SEMA5A: variants seen among roughly 807,000 people sequenced by gnomAD.
The protein encoded by SEMA5A is semaphorin 5A.
A neutral mutation model predicts 135.5 loss-of-function variants in SEMA5A; 55 were observed. That is an observed-to-expected ratio of 0.41 (90% CI 0.33 to 0.51). The LOEUF is 0.51. Among genes scored for constraint, SEMA5A ranks in the 20% least tolerant of loss-of-function variants. SEMA5A has a pLI of 0.37. For synonymous variants in SEMA5A, 580 were observed against 546.5 expected (o/e 1.06, Z -0.85); for missense variants, 1,290 against 1,419.9 (o/e 0.91, Z 1.47).
intron 3 of SEMA5A, among the ~76,000 whole-genome samples, chr5:9,362,730 C>T (rs1474768148): frequency 2.6e-5 from 4 of 152,214 alleles, no homozygotes; most frequent in Admixed American, 1.3e-4. Context: ...AGCCCACACA[C>T]TTCCCAAACT....
chr5:9,298,313 G>A (rs888691255), intron 5 of SEMA5A, among the ~76,000 whole-genome samples: 7 of 152,170 alleles, frequency 4.6e-5, no homozygotes, highest in African/African-American at 1.7e-4. Context: ...AGAATGCCAA[G>A]GATTGCTGGC....
chr5:9,201,894 A>G, intron 9 of SEMA5A, 61 bp downstream of exon 9: 3 of 1,489,244 alleles, frequency 2.0e-6, no homozygotes, highest in Non-Finnish European at 2.8e-6. Flanking sequence ...AGGTCAAAGA[A>G]CAGAAGACTT....
intron 15 of SEMA5A, among the ~76,000 whole-genome samples, chr5:9,111,638 C>T (rs559553149): frequency 3.9e-5 from 6 of 152,240 alleles, no homozygotes; most frequent in Admixed American, 3.3e-4. Context: ...GATCTGCTGG[C>T]GTGTCACCCT....
At chr5:9,352,094 C>CTGG (rs1554023404) in intron 3 of SEMA5A, among the ~76,000 whole-genome samples, 2 of 132,252 alleles carry the variant, frequency 1.5e-5, no homozygotes, top group African/African-American at 5.3e-5. Flanking sequence ...TGTAACAGGT[C>CTGG]GGGGGGGTTA....
chr5:9,508,416 G>A (rs200016162), intron 1 of SEMA5A, among the ~76,000 whole-genome samples: 43 of 152,256 alleles, frequency 2.8e-4, no homozygotes, highest in Non-Finnish European at 3.7e-4. Context: ...GTCTCCTTGC[G>A]TCTGATCGCT....
chr5:9,536,407 G>T (rs1404825057), intron 1 of SEMA5A, among the ~76,000 whole-genome samples: 1 of 152,016 alleles, frequency 6.6e-6, no homozygotes, highest in African/African-American at 2.4e-5. Flanking sequence ...CAGCTCAGGA[G>T]TTCGAGACCA....
chr5:9,242,870 T>A (rs1020587671), intron 5 of SEMA5A, among the ~76,000 whole-genome samples: 7 of 152,216 alleles, frequency 4.6e-5, no homozygotes, highest in African/African-American at 1.7e-4. Flanking sequence ...TTGATTCTCA[T>A]ACACTGCCAT....
intron 17 of SEMA5A, among the ~76,000 whole-genome samples, chr5:9,066,019 C>T (rs77634572): frequency 6.6e-6 from 1 of 152,208 alleles, no homozygotes; most frequent in African/African-American, 2.4e-5. Flanking sequence ...AAGAGAAATG[C>T]ACTTCCATTG....
intron 16 of SEMA5A, among the ~76,000 whole-genome samples, chr5:9,076,563 C>A (rs567625334): frequency 3.3e-5 from 5 of 152,114 alleles, no homozygotes; most frequent in Non-Finnish European, 7.4e-5. Context: ...AATACCCTGA[C>A]TTGATCACAC....
rs70943966 is a variant in SEMA5A, at chr5:9,457,900, C to CTTTT, written c.-174-20052_-174-20049dup. On this transcript the variant is annotated intron_variant, in intron 1 of 22. Transcript: ENST00000382496. ...AATTCTTGAAAAACCAGCATCTCTC[C>CTTTT]TTTTTTTTTTTTTTTTTTTTTTTTT... Among the ~76,000 whole-genome samples the CTTTT allele has an allele frequency of 7.3e-4, 51 of 70,184 alleles. 1 individual carries two copies. Among genetic ancestry groups the CTTTT allele is most frequent in the Non-Finnish European group, 1.0e-3 (40 of 39,516 alleles). 46.0% of individuals were successfully genotyped at this position (70,184 alleles called of 152,430 possible). A position where few individuals can be genotyped will look rare whatever the true frequency, so the allele number is the denominator to read the frequency against.
chr5:9,429,999 CCT>C (rs1370617035), intron 2 of SEMA5A, among the ~76,000 whole-genome samples: 2 of 152,150 alleles, frequency 1.3e-5, no homozygotes, highest in Non-Finnish European at 2.9e-5. Context: ...GGCCGGAAGA[CCT>C]GAGAACTCAC....
intron 1 of SEMA5A, among the ~76,000 whole-genome samples, chr5:9,454,477 A>G (rs923837589): frequency 4.6e-5 from 7 of 152,240 alleles, no homozygotes; most frequent in East Asian, 1.9e-4. Context: ...TGTTGAATTG[A>G]AAAAGGTTTT....
In SEMA5A at chr5:9,499,993, A is replaced by T. The variant is rs1348028630; in HGVS notation, c.-175+45591T>A. Among the ~76,000 whole-genome samples, 3 of 152,346 alleles carry T rather than the reference A, an allele frequency of 2.0e-5. No homozygotes were observed. The East Asian group carries it at 5.8e-4, about 29-fold the overall frequency. On this transcript the variant is annotated intron_variant, in intron 1 of 22. Coordinates refer to ENST00000382496, the MANE Select transcript of SEMA5A (RefSeq NM_003966.3). ...GGTTCATAAATAAATAGAAAACAAT[A>T]AGAAAATATATGAGATCTGAAGCTC...
chr5:9,456,631 G>A (rs976257088), intron 1 of SEMA5A, among the ~76,000 whole-genome samples: 30 of 152,056 alleles, frequency 2.0e-4, no homozygotes, highest in African/African-American at 7.2e-4. Flanking sequence ...AACCACAAAG[G>A]GGCTGGAGGA....
intron 10 of SEMA5A, among the ~76,000 whole-genome samples, chr5:9,190,901 A>C (rs1387470337): frequency 6.6e-6 from 1 of 152,202 alleles, no homozygotes; most frequent in East Asian, 1.9e-4. Flanking sequence ...TAGTTTTTCT[A>C]CTGCAGCAGG....
At chr5:9,248,600 T>A (rs1171127995) in intron 5 of SEMA5A, among the ~76,000 whole-genome samples, 2 of 151,308 alleles carry the variant, frequency 1.3e-5, no homozygotes, top group Non-Finnish European at 2.9e-5. Context: ...ATAATTAAAT[T>A]AAGGATCTTG....
chr5:9,316,667 G>A (rs962946639), intron 5 of SEMA5A, among the ~76,000 whole-genome samples: 1 of 151,704 alleles, frequency 6.6e-6, no homozygotes, highest in African/African-American at 2.4e-5. Context: ...TTTTTAATTA[G>A]CAAATAAAAA....
chr5:9,509,813 TA>T (rs1391586300), intron 1 of SEMA5A, among the ~76,000 whole-genome samples: 3 of 152,140 alleles, frequency 2.0e-5, no homozygotes, highest in Non-Finnish European at 2.9e-5. Flanking sequence ...AAGAAACATG[TA>T]TTGAGAACCT....
At chr5:9,316,654 CT>C (rs889730307) in intron 5 of SEMA5A, among the ~76,000 whole-genome samples, 4 of 151,858 alleles carry the variant, frequency 2.6e-5, no homozygotes, top group Admixed American at 6.6e-5. Flanking sequence ...GTTGATCATT[CT>C]TTTTTTAATT....
Sources: allele counts gnomAD v4.1 joint callset (sites outside exome capture counted in the v4.1 genomes callset), GRCh38; gene constraint gnomAD v4.1.1; transcripts MANE v1.5; gene names NCBI Gene and HGNC (gene_info 2026-07-23, HGNC 2026-07-21).